RGL1: variants seen among roughly 807,000 people sequenced by gnomAD.
RGL1 encodes ral guanine nucleotide dissociation stimulator-like 1.
RGL1 carries 24 observed loss-of-function variants against 95.2 expected under a neutral mutation model. That is an observed-to-expected ratio of 0.25 (90% CI 0.18 to 0.35). The LOEUF (loss-of-function observed/expected upper bound fraction) is 0.35, where lower values mean the gene tolerates loss of function less well. Among genes scored for constraint, RGL1 ranks in the 10% least tolerant of loss-of-function variants. The pLI, the probability that RGL1 is intolerant of heterozygous loss-of-function variation, is 1.00. For synonymous variants in RGL1, 329 were observed against 344.9 expected (o/e 0.95, Z 0.51); for missense variants, 715 against 936.3 (o/e 0.76, Z 3.08).
At chr1:183,922,806 T>A (rs1475066235) in intron 17 of RGL1, among the ~76,000 whole-genome samples, 1 of 152,206 alleles carries the variant, frequency 6.6e-6, no homozygotes, top group East Asian at 1.9e-4. Context: ...TTATTCATGA[T>A]CAATTTTAAA....
intron 2 of RGL1, among the ~76,000 whole-genome samples, chr1:183,748,641 C>T (rs1365440601): frequency 5.3e-5 from 8 of 152,106 alleles, no homozygotes; most frequent in Admixed American, 1.3e-4. Context: ...CTCCTGACCT[C>T]GTGATCTGCC....
intron 2 of RGL1, among the ~76,000 whole-genome samples, chr1:183,794,622 C>T (rs1660605659): frequency 6.6e-6 from 1 of 152,132 alleles, no homozygotes; most frequent in Non-Finnish European, 1.5e-5. Context: ...AAAAATCTGC[C>T]AACTGGCTAC....
At chr1:183,670,077 C>T (rs1652339126) in intron 1 of RGL1, among the ~76,000 whole-genome samples, 1 of 152,166 alleles carries the variant, frequency 6.6e-6, no homozygotes, top group African/African-American at 2.4e-5. Context: ...GAGTAGGTCT[C>T]AGTCTTTTGG....
At chr1:183,793,102 T>C (rs1354044803) in intron 2 of RGL1, among the ~76,000 whole-genome samples, 5 of 151,982 alleles carry the variant, frequency 3.3e-5, no homozygotes, top group African/African-American at 1.2e-4. Flanking sequence ...TATACACCAA[T>C]GGAACAGAAT....
intron 1 of RGL1, among the ~76,000 whole-genome samples, chr1:183,727,646 C>A (rs963023054): frequency 6.6e-6 from 1 of 152,062 alleles, no homozygotes; most frequent in Non-Finnish European, 1.5e-5. Flanking sequence ...GGTTAGAGAG[C>A]TACAAGTAAA....
At chr1:183,713,164 T>C (rs530585958) in intron 1 of RGL1, among the ~76,000 whole-genome samples, 2 of 152,234 alleles carry the variant, frequency 1.3e-5, no homozygotes, top group Admixed American at 6.5e-5. Context: ...TAGCTGAGAT[T>C]ACAGGCGTGT....
At chr1:183,723,772 G>A (rs893775297) in intron 1 of RGL1, among the ~76,000 whole-genome samples, 15 of 152,172 alleles carry the variant, frequency 9.9e-5, no homozygotes, top group African/African-American at 3.4e-4. Flanking sequence ...CCTAGTGCTG[G>A]GCTCAGAGCC....
At chr1:183,700,999 T>C (rs1351310180) in intron 1 of RGL1, among the ~76,000 whole-genome samples, 1 of 152,184 alleles carries the variant, frequency 6.6e-6, no homozygotes, top group Non-Finnish European at 1.5e-5. Flanking sequence ...AGTGAGAACA[T>C]GTGGTGTTTC....
intron 2 of RGL1, among the ~76,000 whole-genome samples, chr1:183,830,113 G>A (rs909625881): frequency 1.3e-5 from 2 of 152,124 alleles, no homozygotes; most frequent in African/African-American, 4.8e-5. Context: ...GGGATTTGTG[G>A]CAAAGAAGTG....
intron 8 of RGL1, among the ~76,000 whole-genome samples, chr1:183,889,176 C>T (rs1479494137): frequency 6.6e-6 from 1 of 152,118 alleles, no homozygotes; most frequent in Admixed American, 6.6e-5. Context: ...TTTTGCACTA[C>T]TGCCATCACT....
chr1:183,713,986 C>T (rs1044059783), intron 1 of RGL1, among the ~76,000 whole-genome samples: 3 of 152,152 alleles, frequency 2.0e-5, no homozygotes, highest in Non-Finnish European at 2.9e-5. Flanking sequence ...GGTATTGGCT[C>T]ATGCTTGCCT....
intron 15 of RGL1, among the ~76,000 whole-genome samples, chr1:183,912,829 A>G (rs1668726238): frequency 6.6e-6 from 1 of 152,232 alleles, no homozygotes; most frequent in Admixed American, 6.5e-5. Context: ...TAAGACGGAC[A>G]AGCAAGAGGG....
intron 2 of RGL1, among the ~76,000 whole-genome samples, chr1:183,743,625 T>C (rs1657447728): frequency 6.6e-6 from 1 of 152,168 alleles, no homozygotes. Context: ...AAAAAGAAAA[T>C]GGCAATTCCT....
chr1:183,793,948 C>T lies in RGL1; in HGVS notation c.133-12427C>T, dbSNP rs137875115. On this transcript the variant is annotated intron_variant, in intron 2 of 18. Coordinates refer to the RGL1 transcript ENST00000304685. ...AGTATATCAAAGGAAATTAGTATAT[C>T]GAAGGGCTACCTGGACCTCCATGTA... is the stretch of plus-strand genomic sequence containing the variant. Among the ~76,000 whole-genome samples, 8 of 151,972 alleles carry T rather than the reference C, an allele frequency of 5.3e-5. No individual in the cohort carries two copies. The East Asian group carries it at 7.7e-4, about 15-fold the overall frequency.
chr1:183,875,765 G>C (rs997071929), intron 4 of RGL1, among the ~76,000 whole-genome samples: 1 of 151,064 alleles, frequency 6.6e-6, no homozygotes, highest in African/African-American at 2.4e-5. Flanking sequence ...TGTAATCCCA[G>C]CTACTCGGGA....
chr1:183,851,857 G>A (rs1664843035), intron 3 of RGL1, among the ~76,000 whole-genome samples: 1 of 152,188 alleles, frequency 6.6e-6, no homozygotes, highest in Non-Finnish European at 1.5e-5. Flanking sequence ...TCTTAAATTG[G>A]TTGTTGAGAC....
At chr1:183,793,390 G>A (rs1490513194) in intron 2 of RGL1, among the ~76,000 whole-genome samples, 1 of 152,068 alleles carries the variant, frequency 6.6e-6, no homozygotes, top group Non-Finnish European at 1.5e-5. Flanking sequence ...GACTTCAAAA[G>A]CACAGGCAAC....
At chr1:183,891,733 GTTTTTTTTTTTTTTTT>G (rs57974956) in intron 8 of RGL1, among the ~76,000 whole-genome samples, 3 of 123,944 alleles carry the variant, frequency 2.4e-5, no homozygotes, top group Non-Finnish European at 5.1e-5. Context: ...GTGTGTAACA[GTTTTTTTTTTTTTTTT>G]TTTTTTTTTT....
intron 2 of RGL1, among the ~76,000 whole-genome samples, chr1:183,767,742 C>T (rs1053873546): frequency 6.6e-6 from 1 of 152,116 alleles, no homozygotes; most frequent in African/African-American, 2.4e-5. Context: ...CACCTGAGGT[C>T]AGAAGTTGGA....
Sources: allele counts gnomAD v4.1 joint callset (sites outside exome capture counted in the v4.1 genomes callset), GRCh38; gene constraint gnomAD v4.1.1; transcripts MANE v1.5; gene names NCBI Gene and HGNC (gene_info 2026-07-23, HGNC 2026-07-21).